The following ATP2C1 variants were observed in gnomAD, a reference collection of about 807,000 sequenced individuals.
ATP2C1 encodes calcium-transporting ATPase type 2C member 1.
ATP2C1 carries 31 observed loss-of-function variants against 120.5 expected under a neutral mutation model. The observed-to-expected ratio is 0.26, with a 90% CI of 0.19 to 0.35. ATP2C1 has a LOEUF of 0.35. Among genes scored for constraint, ATP2C1 ranks in the 10% least tolerant of loss-of-function variants. The pLI, the probability that ATP2C1 is intolerant of heterozygous loss-of-function variation, is 1.00. For missense variants in ATP2C1, 731 were observed against 1,107.5 expected, an observed-to-expected ratio of 0.66 and a Z score of 4.83; for synonymous variants, 351 against 358.7, an observed-to-expected ratio of 0.98 and a Z score of 0.24.
intron 26 of ATP2C1, among the ~76,000 whole-genome samples, chr3:131,008,619 T>TA (rs1307957262): frequency 6.6e-6 from 1 of 152,186 alleles, no homozygotes; most frequent in African/African-American, 2.4e-5. Flanking sequence ...CAAGGGACTA[T>TA]ATGACCTGTA....
At position 131,002,477 on chromosome 3, in the gene ATP2C1, C is replaced by G; in HGVS notation, c.*1127C>G. On this transcript the variant is annotated 3_prime_UTR_variant, in exon 28 of 28. Transcript: ENST00000510168. ...AACCTGAGTATATCTCTTCTACTTT[C>G]ATCATGTGTTCTGTACCTTCTTTTT... is the stretch of plus-strand genomic sequence containing the variant. 10 of 985,398 alleles carry G rather than the reference C, an allele frequency of 1.0e-5. No individual in the cohort carries two copies. The highest frequency in any genetic ancestry group is 1.2e-5 in the Non-Finnish European group (10 of 829,924). The allele number at this position is 985,398 out of a possible 1,614,324, so 61.0% of individuals were successfully genotyped here.
rs551083859 is a variant in ATP2C1 at position 130,923,622 on chromosome 3, C to G, written c.7-6794C>G. On this transcript the variant is annotated intron_variant, in intron 2 of 27. Transcript: ENST00000510168. Reference sequence around the variant, plus strand: ...GTGGCTCACACCTGTAATCCTAGCACTTTGGGAGGCATAGGTGGGTGGATT... The same window carrying G: ...GTGGCTCACACCTGTAATCCTAGCAGTTTGGGAGGCATAGGTGGGTGGATT... 2.6e-5 allele frequency among the ~76,000 whole-genome samples: 4 copies of G among 151,970 alleles called. No homozygotes were observed. In the South Asian group the frequency reaches 6.2e-4, roughly 24 times the overall value.
At chr3:130,917,305 A>G (rs1239333001) in intron 2 of ATP2C1, among the ~76,000 whole-genome samples, 2 of 152,200 alleles carry the variant, frequency 1.3e-5, no homozygotes, top group African/African-American at 4.8e-5. Flanking sequence ...ATATTATCCC[A>G]TTGCAGTTGA....
intron 2 of ATP2C1, among the ~76,000 whole-genome samples, chr3:130,907,503 C>G (rs2058189150): frequency 6.6e-6 from 1 of 151,984 alleles, no homozygotes; most frequent in South Asian, 2.1e-4. Flanking sequence ...CCAGTTATCC[C>G]AATACTGTTT....
chr3:131,005,516 C>A (rs2063074403), downstream of ATP2C1, among the ~76,000 whole-genome samples: 1 of 152,140 alleles, frequency 6.6e-6, no homozygotes, highest in Non-Finnish European at 1.5e-5. Context: ...AATAGTAGAG[C>A]TATTAGCAGA....
At chr3:130,864,714 G>A (rs2068113407) in intron 1 of ATP2C1, among the ~76,000 whole-genome samples, 3 of 152,254 alleles carry the variant, frequency 2.0e-5, no homozygotes, top group Admixed American at 2.0e-4. Context: ...GAGGGTGGAA[G>A]CCCGAAGCCT....
upstream of ATP2C1, among the ~76,000 whole-genome samples, chr3:130,889,547 T>G (rs2107860236): frequency 6.6e-6 from 1 of 152,296 alleles, no homozygotes; most frequent in South Asian, 2.1e-4. Context: ...ATCGAGCATT[T>G]CTTACAACAA....
At chr3:130,934,912 C>T (rs2059601172) in intron 5 of ATP2C1, among the ~76,000 whole-genome samples, 1 of 152,116 alleles carries the variant, frequency 6.6e-6, no homozygotes. Flanking sequence ...TGACTCACTG[C>T]AGCCCCGAAC....
At chr3:130,928,918 A>T (rs1266473300) in intron 2 of ATP2C1, among the ~76,000 whole-genome samples, 1 of 151,804 alleles carries the variant, frequency 6.6e-6, no homozygotes, top group Non-Finnish European at 1.5e-5. Flanking sequence ...TTTTGGGGGG[A>T]ATCTTCTCCA....
chr3:131,013,856 T>C, intron 26 of ATP2C1: 1 of 491,272 alleles, frequency 2.0e-6, no homozygotes, highest in Non-Finnish European at 3.6e-6. Context: ...GTTTCAAACA[T>C]ATTTAGAAAT....
chr3:130,909,618 G>A (rs1306409284), intron 2 of ATP2C1, among the ~76,000 whole-genome samples: 1 of 152,128 alleles, frequency 6.6e-6, no homozygotes, highest in Non-Finnish European at 1.5e-5. Flanking sequence ...TGGTTGGATT[G>A]TTGTGAAATA....
At chr3:131,010,846 T>G (rs952788489) in intron 26 of ATP2C1, among the ~76,000 whole-genome samples, 1 of 152,220 alleles carries the variant, frequency 6.6e-6, no homozygotes, top group Non-Finnish European at 1.5e-5. Context: ...GTCTTAATCT[T>G]TGTACTGCTT....
rs1456257859 is a variant in ATP2C1 at position 130,969,384 on chromosome 3, C to T, written c.1401C>T (p.His467=). The change falls in exon 17 of 28, where the codon CAC becomes CAT. Residue 467 remains histidine (H), a synonymous_variant. Transcript: ENST00000510168. The stretch of plus-strand genomic sequence containing the variant: ...AGTGGATGGCTGTTAAGTGTGTACA[C>T]CGAACACAGCAGGTATCCATCTGTT... ...EQKWMAVKCV[H]RTQQDRPEIC... The T allele has an allele frequency of 1.9e-6, 3 of 1,611,478 alleles. No individual in the cohort carries two copies. Among genetic ancestry groups the T allele is most frequent in the Non-Finnish European group, 2.5e-6 (3 of 1,177,702 alleles).
chr3:130,987,343 G>T (rs968781517), intron 20 of ATP2C1, among the ~76,000 whole-genome samples: 6 of 151,644 alleles, frequency 4.0e-5, no homozygotes, highest in Admixed American at 2.0e-4. Context: ...AGAGTCTCCT[G>T]CTTTGTTGAC....
intron 20 of ATP2C1, among the ~76,000 whole-genome samples, chr3:130,992,171 C>T (rs571905745): frequency 5.3e-4 from 80 of 152,048 alleles, no homozygotes; most frequent in Non-Finnish European, 1.0e-3. Flanking sequence ...GGGAGAATAG[C>T]GGATACCGTG....
chr3:131,004,434 T>C (rs2063022621), downstream of ATP2C1, among the ~76,000 whole-genome samples: 2 of 152,252 alleles, frequency 1.3e-5, no homozygotes, highest in South Asian at 4.1e-4. Context: ...AAGAGTTGGT[T>C]ATTGTTAATA....
chr3:130,932,067 C>A lies in ATP2C1; in HGVS notation c.163C>A (p.Arg55=). Residue 55 remains arginine (R), a synonymous_variant, in exon 4 of 28, where the codon CGA becomes AGA. Transcript: ENST00000510168. ...AAACAAATGTGAAGTTAGTCATAGGCGAGCCTTTCATGGCTGGAATGAGTT... is the reference window on the plus strand; with the variant it reads ...AAACAAATGTGAAGTTAGTCATAGGAGAGCCTTTCATGGCTGGAATGAGTT... ...GLNKCEVSHR[R]AFHGWNEFDI... 6.2e-7 allele frequency: 1 copy of A among 1,612,868 alleles called. No individual in the cohort carries two copies. The highest frequency in any genetic ancestry group is 8.5e-7 in the Non-Finnish European group (1 of 1,179,042).
rs1361439301 is a variant in ATP2C1, at chr3:131,014,431, A to C, written c.2630-1721A>C. 15 of 1,516,230 alleles carry C rather than the reference A, an allele frequency of 9.9e-6. 1 individual carries two copies. The South Asian group carries it at 2.0e-4, about 20-fold the overall frequency. 93.9% of individuals were successfully genotyped at this position (1,516,230 alleles called of 1,614,324 possible). A position where few individuals can be genotyped will look rare whatever the true frequency, so the allele number is the denominator to read the frequency against. On this transcript the variant is annotated intron_variant, in intron 26 of 26. Coordinates refer to the ATP2C1 transcript ENST00000328560. ...AAGTATGTTGTTAAAGAAGTAATTC[A>C]GTGCAACAGGATAACTACCATTGAC...
chr3:130,973,056 A>G (rs2061399739), intron 17 of ATP2C1, among the ~76,000 whole-genome samples: 1 of 116,056 alleles, frequency 8.6e-6, no homozygotes, highest in South Asian at 2.6e-4. Flanking sequence ...AAAGACATGT[A>G]CAGTATAAAA....
Sources: allele counts gnomAD v4.1 joint callset (sites outside exome capture counted in the v4.1 genomes callset), GRCh38; gene constraint gnomAD v4.1.1; transcripts MANE v1.5; gene names NCBI Gene and HGNC (gene_info 2026-07-23, HGNC 2026-07-21).